The following USP35 variants were observed in gnomAD, a reference collection of about 807,000 sequenced individuals.
The protein encoded by USP35 is ubiquitin specific peptidase 35.
In USP35, 69 loss-of-function variants were observed where a neutral mutation model predicts 83.8. That is an observed-to-expected ratio of 0.82 (90% CI 0.68 to 1.01). USP35 has a LOEUF of 1.01. Ranked by LOEUF, USP35 falls within the 50% of genes least tolerant of loss-of-function variation. The pLI, the probability that USP35 is intolerant of heterozygous loss-of-function variation, is 0.00. For synonymous variants in USP35, 714 were observed against 589.5 expected, an observed-to-expected ratio of 1.21 and a Z score of -3.06; for missense variants, 1,503 against 1,362.5, an observed-to-expected ratio of 1.10 and a Z score of -1.62.
the USP35 span, chr11:78,226,538 A>G: frequency 2.2e-6 from 3 of 1,382,710 alleles, no homozygotes; most frequent in South Asian, 1.1e-5. Flanking sequence ...CAGATCTGCT[A>G]TTTTCACTGA....
At chr11:78,221,465 G>A in the USP35 span, among the ~76,000 whole-genome samples, 1 of 152,138 alleles carries the variant, frequency 6.6e-6, no homozygotes, top group Non-Finnish European at 1.5e-5. Context: ...GACTTCGTTG[G>A]GACAGGTCTC....
At chr11:78,229,867 C>T in the USP35 span, among the ~76,000 whole-genome samples, 1 of 152,192 alleles carries the variant, frequency 6.6e-6, no homozygotes, top group African/African-American at 2.4e-5. Context: ...CTGGCAAGTT[C>T]CTACTCCATT....
At position 78,208,621 on chromosome 11, in the gene USP35, T is replaced by C. The variant is rs142585487; in HGVS notation, c.1486-236T>C. ...TTTGAGGTGTGCCAGGAAGAGAAGA[T>C]TCCTAGAGCCTCGTTCATTTCTCTG... On this transcript the variant is annotated intron_variant, in intron 8 of 10. Transcript: ENST00000529308. Among the ~76,000 whole-genome samples, 658 of 152,258 alleles carry C rather than the reference T, an allele frequency of 4.3e-3. 5 individuals carry two copies. Among genetic ancestry groups the C allele is most frequent in the African/African-American group, 0.015 (628 of 41,548 alleles).
downstream of USP35, among the ~76,000 whole-genome samples, chr11:78,219,696 G>A (rs896483334): frequency 1.1e-4 from 16 of 152,198 alleles, no homozygotes; most frequent in African/African-American, 3.4e-4. Context: ...GGCCCTGGTG[G>A]ATGGGTCCAG....
rs531238813 is a variant in USP35 at position 78,198,666 on chromosome 11, T to C, written c.806+598T>C. On this transcript the variant is annotated intron_variant, in intron 3 of 10. Coordinates refer to ENST00000529308, the MANE Select transcript of USP35 (RefSeq NM_020798.4). ...CCCGTGTGCAGATCCACCGTCTTCG[T>C]AGGGCCTTCCTGGATTCCTTGCCTT... 2.0e-5 allele frequency: 20 copies of C among 985,436 alleles called. No individual in the cohort carries two copies. In the African/African-American group the frequency reaches 3.5e-4, roughly 17 times the overall value. 61.0% of individuals were successfully genotyped at this position (985,436 alleles called of 1,614,324 possible).
rs762307305 is a variant in USP35, at chr11:78,196,241, G to A, written c.-5G>A. 1.3e-6 allele frequency: 2 copies of A among 1,588,864 alleles called. No individual in the cohort carries two copies. Among genetic ancestry groups the A allele is most frequent in the Admixed American group, 1.7e-5 (1 of 59,078 alleles). ...TCATTCCCTGTCCTCCGCAGCGCGGGCGCCATGGACAAGATCTTGGAGGCG... is the reference window on the plus strand; with the variant it reads ...TCATTCCCTGTCCTCCGCAGCGCGGACGCCATGGACAAGATCTTGGAGGCG... On this transcript the variant is annotated 5_prime_UTR_variant, in exon 2 of 11. Transcript: ENST00000529308. This position sits in a 1 kb window ranked among gnomAD's most constrained non-coding sequence, Gnocchi z 4.8.
chr11:78,230,112 T>A, the USP35 span, among the ~76,000 whole-genome samples: 1 of 152,250 alleles, frequency 6.6e-6, no homozygotes, highest in Non-Finnish European at 1.5e-5. Flanking sequence ...TAATGCTTGT[T>A]GCATTATAAA....
chr11:78,213,077 T>G (rs1565405648), intron 10 of USP35, among the ~76,000 whole-genome samples: 1 of 152,156 alleles, frequency 6.6e-6, no homozygotes, highest in South Asian at 2.1e-4. Context: ...CAGCAACTGG[T>G]GTGGGGACAC....
intron 3 of USP35, among the ~76,000 whole-genome samples, chr11:78,198,431 T>G (rs1005657470): frequency 6.6e-6 from 1 of 152,168 alleles, no homozygotes; most frequent in African/African-American, 2.4e-5. Context: ...GCTTTCTGAG[T>G]GGGGCAAACA....
chr11:78,210,519 C>A lies in USP35; in HGVS notation c.2664C>A (p.Asn888Lys). The A allele has an allele frequency of 1.2e-6, 2 of 1,613,782 alleles. No individual in the cohort carries two copies. The highest frequency in any genetic ancestry group is 1.7e-6 in the Non-Finnish European group (2 of 1,179,644). Residue 888 changes from asparagine (N) to lysine (K), a missense_variant, in exon 10 of 11, where the codon AAC becomes AAA. Coordinates refer to ENST00000529308, the MANE Select transcript of USP35 (RefSeq NM_020798.4). ...LGTADRPEPE[N>K]QWYLFNDTRV... ...CTGCCGATAGGCCAGAGCCCGAGAA[C>A]CAGTGGTACCTGTTCAATGACACTC...
chr11:78,223,343 AC>A, the USP35 span: 1 of 1,297,042 alleles, frequency 7.7e-7, no homozygotes, highest in Non-Finnish European at 1.0e-6. Flanking sequence ...GATCCACATG[AC>A]CCCTAAGCAA....
At chr11:78,199,492 G>C (rs995799690) in intron 3 of USP35, 103 bp from the exon 4 acceptor site, 1 of 1,545,582 alleles carries the variant, frequency 6.5e-7, no homozygotes, top group Non-Finnish European at 8.8e-7. Context: ...GCAGGTGTGA[G>C]TCAATGTGGG....
the USP35 span, among the ~76,000 whole-genome samples, chr11:78,220,638 C>T: frequency 6.6e-6 from 1 of 152,142 alleles, no homozygotes; most frequent in African/African-American, 2.4e-5. Context: ...ACTGTTGATA[C>T]TGTTTAAAGC....
intron 6 of USP35, among the ~76,000 whole-genome samples, chr11:78,203,981 C>T (rs1346806902): frequency 2.0e-5 from 3 of 146,626 alleles, no homozygotes; most frequent in Non-Finnish European, 3.0e-5. Flanking sequence ...AGCTCCGCCT[C>T]CCGGGTTCAC....
intron 1 of USP35, among the ~76,000 whole-genome samples, chr11:78,195,854 C>T (rs1007812638): frequency 6.6e-5 from 10 of 152,154 alleles, no homozygotes; most frequent in African/African-American, 2.4e-4. Flanking sequence ...CTTCAGCCTC[C>T]AGAGTAGCTG....
rs1225325960 is a variant in USP35, at chr11:78,196,205, G to C, written c.-10-31G>C. The C allele has an allele frequency of 1.3e-6, 2 of 1,553,482 alleles. No homozygotes were observed. Among genetic ancestry groups the C allele is most frequent in the Non-Finnish European group, 1.7e-6 (2 of 1,159,838 alleles). ...GGAACTCTTGAGCCCCGCGGTTGTC[G>C]GGCTGTGACCTCATTCCCTGTCCTC... On this transcript the variant is annotated intron_variant, in intron 1 of 10. Coordinates refer to ENST00000529308, the MANE Select transcript of USP35 (RefSeq NM_020798.4). This position sits in a 1 kb window ranked among gnomAD's most constrained non-coding sequence, Gnocchi z 4.8.
At chr11:78,219,714 T>A (rs1190768356), downstream of USP35, among the ~76,000 whole-genome samples, 1 of 152,144 alleles carries the variant, frequency 6.6e-6, no homozygotes, top group East Asian at 1.9e-4. Context: ...CAGGCCTTCA[T>A]CTCTGCCTCC....
chr11:78,207,490 G>GC, intron 7 of USP35, 40 bp from the exon 8 acceptor site: 1 of 1,596,946 alleles, frequency 6.3e-7, no homozygotes, highest in Non-Finnish European at 8.6e-7. Context: ...CTCCTTGGGG[G>GC]CCCATGGCTT....
chr11:78,209,430 CTG>C lies in USP35; in HGVS notation c.1593-15_1593-14del, dbSNP rs1363639712. ...GGACCCGCATGTACATGTAGTGACT[CTG>C]TGCTCTCTGCCCCAGGCTGCACGAA... On this transcript the variant is annotated splice_polypyrimidine_tract_variant and intron_variant, in intron 9 of 10. Coordinates refer to ENST00000529308, the MANE Select transcript of USP35 (RefSeq NM_020798.4). The C allele has an allele frequency of 6.3e-7, 1 of 1,577,470 alleles. No homozygotes were observed. The highest frequency in any genetic ancestry group is 8.6e-7 in the Non-Finnish European group (1 of 1,160,544).
Sources: gnomAD v4.1 joint callset for allele counts (sites outside exome capture counted in the v4.1 genomes callset) on GRCh38, gnomAD v4.1.1 for gene constraint, Gnocchi (gnomAD v3.1) non-coding constraint, MANE v1.5 for transcripts, NCBI Gene and HGNC (gene_info 2026-07-23, HGNC 2026-07-21) for gene names.